SIPA1L1: variants seen among roughly 807,000 people sequenced by gnomAD.
SIPA1L1 encodes signal-induced proliferation-associated 1-like protein 1.
Under a neutral mutation model 162.7 loss-of-function variants are expected in SIPA1L1, and 26 were observed. The ratio of observed to expected loss-of-function variants is 0.16; its 90% CI spans 0.12 to 0.22. The LOEUF (loss-of-function observed/expected upper bound fraction) is 0.22, where lower values mean the gene tolerates loss of function less well. SIPA1L1 is among the 10% of genes least tolerant of loss of function. SIPA1L1 has a pLI of 1.00. For synonymous variants in SIPA1L1, 829 were observed against 837.4 expected (o/e 0.99, Z 0.17); for missense variants, 1,874 against 2,241.0 (o/e 0.84, Z 3.31).
chr14:71,496,360 A>ATT (rs149840890), intron 2 of SIPA1L1, among the ~76,000 whole-genome samples: 1 of 149,268 alleles, frequency 6.7e-6, no homozygotes, highest in Non-Finnish European at 1.5e-5. Context: ...TTTGCTTGTG[A>ATT]TTTTTTTTTT....
chr14:71,613,100 A>G (rs1425482133), intron 5 of SIPA1L1, among the ~76,000 whole-genome samples: 3 of 152,180 alleles, frequency 2.0e-5, no homozygotes, highest in Non-Finnish European at 4.4e-5. Context: ...CACATCAAGA[A>G]ATAAAGCATT....
intron 2 of SIPA1L1, among the ~76,000 whole-genome samples, chr14:71,464,322 T>C (rs2046822215): frequency 6.6e-6 from 1 of 152,110 alleles, no homozygotes; most frequent in Non-Finnish European, 1.5e-5. Flanking sequence ...TTAGAACCTT[T>C]CTTAACTCCC....
chr14:71,678,748 G>A (rs942591241), intron 12 of SIPA1L1, among the ~76,000 whole-genome samples: 11 of 151,790 alleles, frequency 7.2e-5, no homozygotes, highest in African/African-American at 1.7e-4. Context: ...GGTAGAATTC[G>A]GCTGTGAATC....
intron 21 of SIPA1L1, among the ~76,000 whole-genome samples, chr14:71,734,054 G>A (rs911606838): frequency 6.6e-6 from 1 of 152,322 alleles, no homozygotes; most frequent in Non-Finnish European, 1.5e-5. Flanking sequence ...CGCCTCCTCC[G>A]TATATGGGAA....
chr14:71,563,050 CA>C (rs1339575054), intron 4 of SIPA1L1, among the ~76,000 whole-genome samples: 1 of 152,172 alleles, frequency 6.6e-6, no homozygotes, highest in East Asian at 1.9e-4. Context: ...GGAAGGCAGG[CA>C]GGGACTTTTG....
chr14:71,601,649 T>C (rs897931869), intron 5 of SIPA1L1, among the ~76,000 whole-genome samples: 1 of 152,204 alleles, frequency 6.6e-6, no homozygotes, highest in African/African-American at 2.4e-5. Context: ...TTTTTTGGAA[T>C]ACTTTGAGGA....
chr14:71,688,219 A>T (rs2081006975), intron 13 of SIPA1L1, among the ~76,000 whole-genome samples: 1 of 152,224 alleles, frequency 6.6e-6, no homozygotes, highest in South Asian at 2.1e-4. Context: ...AATCTGTAAT[A>T]CTACAAAATC....
intron 4 of SIPA1L1, among the ~76,000 whole-genome samples, chr14:71,544,005 A>G (rs2054802355): frequency 1.3e-5 from 2 of 148,394 alleles, no homozygotes; most frequent in African/African-American, 5.1e-5. Flanking sequence ...ACACACGCAC[A>G]TGTATATATA....
At chr14:71,652,627 C>CTT (rs59093389) in intron 8 of SIPA1L1, among the ~76,000 whole-genome samples, 7 of 148,228 alleles carry the variant, frequency 4.7e-5, no homozygotes, top group East Asian at 3.9e-4. Flanking sequence ...GGCCCTGGTT[C>CTT]TTTTTTTTTT....
At chr14:71,350,457 C>T (rs755785302) in intron 2 of SIPA1L1, among the ~76,000 whole-genome samples, 4 of 152,132 alleles carry the variant, frequency 2.6e-5, no homozygotes, top group Non-Finnish European at 4.4e-5. Context: ...TGGCCTTACC[C>T]GATTGGCCAC....
intron 2 of SIPA1L1, among the ~76,000 whole-genome samples, chr14:71,395,138 A>G (rs527432292): frequency 1.3e-5 from 2 of 152,356 alleles, no homozygotes; most frequent in East Asian, 3.8e-4. Flanking sequence ...GATCTACAAA[A>G]TACACTTCAA....
intron 4 of SIPA1L1, among the ~76,000 whole-genome samples, chr14:71,580,859 C>T (rs2033830594): frequency 6.6e-6 from 1 of 152,014 alleles, no homozygotes; most frequent in Non-Finnish European, 1.5e-5. Flanking sequence ...GAAGGTGACA[C>T]ATGTTCATTT....
chr14:71,647,738 G>T (rs1263657409), intron 7 of SIPA1L1, among the ~76,000 whole-genome samples: 4 of 152,082 alleles, frequency 2.6e-5, no homozygotes, highest in Non-Finnish European at 4.4e-5. Context: ...CTTTTTATTT[G>T]TTGAGACCTA....
intron 2 of SIPA1L1, among the ~76,000 whole-genome samples, chr14:71,434,216 A>G (rs929535546): frequency 1.3e-5 from 2 of 152,184 alleles, no homozygotes; most frequent in Non-Finnish European, 2.9e-5. Flanking sequence ...GACAGCCTCT[A>G]CTGTTAAGGA....
chr14:71,653,194 A>T lies in SIPA1L1; in HGVS notation c.1993+2685A>T, dbSNP rs749610285. On this transcript the variant is annotated intron_variant, in intron 8 of 23. Transcript: ENST00000381232. ...GCTAACTTAGCCCTACTACTAAGGC[A>T]TGACTTTTCTTGCACCTCAGTACTT... Among the ~76,000 whole-genome samples, 70 of 152,184 alleles carry T rather than the reference A, an allele frequency of 4.6e-4. 1 individual carries two copies. Among genetic ancestry groups the T allele is most frequent in the Non-Finnish European group, 2.5e-4 (17 of 68,034 alleles).
intron 10 of SIPA1L1, among the ~76,000 whole-genome samples, chr14:71,661,692 C>T (rs1566591125): frequency 6.6e-6 from 1 of 152,200 alleles, no homozygotes. Context: ...ATTTGCACCT[C>T]CTTCTTAGGT....
rs1251401893 is a variant in SIPA1L1 at position 71,377,143 on chromosome 14, G to A, written c.-465+55962G>A. On this transcript the variant is annotated intron_variant, in intron 2 of 23. Transcript: ENST00000381232. The surrounding 1 kb of genome is among the most constrained non-coding windows in gnomAD (Gnocchi z 4.8). ...GGGGCCCCCCCACCCCCCAGATGGG[G>A]CGGCCAGGCAGAGGCAGCCCCCACC... is the stretch of plus-strand genomic sequence containing the variant. Among the ~76,000 whole-genome samples, 2 of 150,014 alleles carry A rather than the reference G, an allele frequency of 1.3e-5. No individual in the cohort carries two copies. Among genetic ancestry groups the A allele is most frequent in the East Asian group, 4.0e-4 (2 of 4,982 alleles).
At chr14:71,685,234 G>C in intron 12 of SIPA1L1, 128 bp from the exon 13 acceptor site, 1 of 1,020,614 alleles carries the variant, frequency 9.8e-7, no homozygotes, top group Non-Finnish European at 1.5e-6. Flanking sequence ...CCCAAAGATT[G>C]AAAGGTGGTT....
chr14:71,620,771 A>G (rs1253628891), intron 6 of SIPA1L1, among the ~76,000 whole-genome samples: 1 of 150,936 alleles, frequency 6.6e-6, no homozygotes, highest in East Asian at 2.0e-4. Context: ...TACCTTTCCC[A>G]CCTCTTTTCT....
Sources: allele counts gnomAD v4.1 joint callset (sites outside exome capture counted in the v4.1 genomes callset), GRCh38; gene constraint gnomAD v4.1.1; non-coding constraint Gnocchi (gnomAD v3.1); transcripts MANE v1.5; gene names NCBI Gene and HGNC (gene_info 2026-07-23, HGNC 2026-07-21).